FAM168A: variants seen among roughly 807,000 people sequenced by gnomAD.
The protein encoded by FAM168A is protein FAM168A.
FAM168A carries 3 observed loss-of-function variants against 28.5 expected under a neutral mutation model. The observed-to-expected ratio is 0.11, with a 90% CI of 0.05 to 0.27. The LOEUF is 0.27. FAM168A is among the 10% of genes least tolerant of loss of function. The pLI, the probability that FAM168A is intolerant of heterozygous loss-of-function variation, is 1.00. For synonymous variants in FAM168A, 122 were observed against 124.2 expected (o/e 0.98, Z 0.12); for missense variants, 222 against 311.5 (o/e 0.71, Z 2.16).
intron 1 of FAM168A, among the ~76,000 whole-genome samples, chr11:73,477,603 C>T (rs115568564): frequency 0.013 from 2,022 of 152,072 alleles, 44 homozygotes; most frequent in African/African-American, 0.045. Flanking sequence ...GAGAAAACAA[C>T]TTATCTGATA....
chr11:73,507,254 T>C (rs1411851374), intron 1 of FAM168A, among the ~76,000 whole-genome samples: 2 of 152,220 alleles, frequency 1.3e-5, no homozygotes, highest in Non-Finnish European at 1.5e-5. Flanking sequence ...CAACATCTTA[T>C]TTTTCTTTGC....
chr11:73,564,896 T>C (rs962034924), intron 1 of FAM168A, among the ~76,000 whole-genome samples: 2 of 151,464 alleles, frequency 1.3e-5, no homozygotes, highest in Non-Finnish European at 2.9e-5. Context: ...CCCTAAGACT[T>C]TAGGGAAGTC....
rs1454514309 is a variant in FAM168A at position 73,407,513 on chromosome 11, T to A, written c.*18A>T. 8 of 1,553,534 alleles carry A rather than the reference T, an allele frequency of 5.1e-6. No homozygotes were observed. The highest frequency in any genetic ancestry group is 6.9e-6 in the Non-Finnish European group (8 of 1,156,532). ...CTTCTCTCACCCTGGCCACACTCACTTGGATGGGCTGCAGGCTTTACCAGT... is the reference window on the plus strand; with the variant it reads ...CTTCTCTCACCCTGGCCACACTCACATGGATGGGCTGCAGGCTTTACCAGT... On this transcript the variant is annotated splice_region_variant and 3_prime_UTR_variant, in exon 7 of 8. Coordinates refer to ENST00000356467, the MANE Select transcript of FAM168A (RefSeq NM_015159.3).
At chr11:73,544,916 TATATATA>T (rs1943715057) in intron 1 of FAM168A, among the ~76,000 whole-genome samples, 1 of 93,130 alleles carries the variant, frequency 1.1e-5, no homozygotes, top group Non-Finnish European at 1.9e-5. Flanking sequence ...TAATATATAT[TATATATA>T]ATATAAAATA....
At chr11:73,431,565 G>A (rs900950288) in intron 2 of FAM168A, among the ~76,000 whole-genome samples, 2 of 152,110 alleles carry the variant, frequency 1.3e-5, no homozygotes, top group African/African-American at 4.8e-5. Flanking sequence ...GAAGGGGTTG[G>A]AAATGAGAGC....
intron 1 of FAM168A, among the ~76,000 whole-genome samples, chr11:73,556,528 CAG>C (rs1943892045): frequency 6.6e-6 from 1 of 151,526 alleles, no homozygotes; most frequent in African/African-American, 2.4e-5. Context: ...TGGGGATTGT[CAG>C]GGGGGTAGGG....
chr11:73,564,528 A>G (rs1453095407), intron 1 of FAM168A, among the ~76,000 whole-genome samples: 1 of 151,840 alleles, frequency 6.6e-6, no homozygotes, highest in African/African-American at 2.4e-5. Context: ...CACAAGGTCA[A>G]GAGATCAAGA....
At chr11:73,525,269 G>T (rs771812291) in intron 1 of FAM168A, among the ~76,000 whole-genome samples, 7 of 152,102 alleles carry the variant, frequency 4.6e-5, no homozygotes, top group African/African-American at 1.7e-4. Context: ...TAATTGCTAA[G>T]TTTCACTGTA....
chr11:73,478,376 T>C (rs1464616630), intron 1 of FAM168A, among the ~76,000 whole-genome samples: 2 of 152,196 alleles, frequency 1.3e-5, no homozygotes, highest in African/African-American at 4.8e-5. Context: ...AGAACACATA[T>C]TGCATGATTC....
intron 1 of FAM168A, among the ~76,000 whole-genome samples, chr11:73,517,843 C>T (rs973977365): frequency 6.6e-6 from 1 of 152,144 alleles, no homozygotes; most frequent in Admixed American, 6.5e-5. Context: ...GGGTCAATTA[C>T]AGAAGCAGAA....
intron 1 of FAM168A, among the ~76,000 whole-genome samples, chr11:73,528,507 T>C (rs965300715): frequency 2.0e-5 from 3 of 152,160 alleles, no homozygotes; most frequent in Admixed American, 6.5e-5. Flanking sequence ...CTCATATATA[T>C]AAATATTGTA....
chr11:73,588,023 T>C (rs1007328610), intron 1 of FAM168A, among the ~76,000 whole-genome samples: 2 of 152,184 alleles, frequency 1.3e-5, no homozygotes, highest in Non-Finnish European at 2.9e-5. Context: ...GTGCTGGGAT[T>C]ACAGACGTGA....
chr11:73,575,185 G>A (rs559600780), intron 1 of FAM168A, among the ~76,000 whole-genome samples: 55 of 152,278 alleles, frequency 3.6e-4, no homozygotes, highest in African/African-American at 1.0e-3. Flanking sequence ...ACTACGCCAT[G>A]CTTTGGAGCC....
At chr11:73,507,797 T>C (rs1855143361) in intron 1 of FAM168A, among the ~76,000 whole-genome samples, 1 of 152,128 alleles carries the variant, frequency 6.6e-6, no homozygotes, top group African/African-American at 2.4e-5. Context: ...CCTGACCAAA[T>C]ATGGATCACA....
chr11:73,513,205 A>ATT lies in FAM168A; in HGVS notation c.-18-44715_-18-44714dup, dbSNP rs1046600591. Among the ~76,000 whole-genome samples the ATT allele has an allele frequency of 7.4e-3, 809 of 109,306 alleles. 14 individuals carry two copies. Among genetic ancestry groups the ATT allele is most frequent in the African/African-American group, 0.019 (499 of 25,994 alleles). 71.7% of individuals were successfully genotyped at this position (109,306 alleles called of 152,430 possible). A position where few individuals can be genotyped will look rare whatever the true frequency, so the allele number is the denominator to read the frequency against. On this transcript the variant is annotated intron_variant, in intron 1 of 7. Coordinates refer to ENST00000356467, the MANE Select transcript of FAM168A (RefSeq NM_015159.3). ...GGTCAAAGTTTTGTTTTTTTTTTTAATTTTTTTTTTTTTTTTTTTTTTGAG... is the reference window on the plus strand; with the variant it reads ...GGTCAAAGTTTTGTTTTTTTTTTTAATTTTTTTTTTTTTTTTTTTTTTTTGAG...
At chr11:73,463,015 C>T (rs773267714) in intron 2 of FAM168A, among the ~76,000 whole-genome samples, 4 of 151,864 alleles carry the variant, frequency 2.6e-5, no homozygotes, top group Non-Finnish European at 5.9e-5. Flanking sequence ...GTTGCCCAGG[C>T]TGGAGTGCGG....
intron 1 of FAM168A, among the ~76,000 whole-genome samples, chr11:73,494,963 GCCAATGAACT>G (rs992464157): frequency 6.6e-6 from 1 of 151,006 alleles, no homozygotes; most frequent in African/African-American, 2.4e-5. Context: ...CCAAGATCAT[GCCAATGAACT>G]CCAGCCTGGG....
At chr11:73,502,637 G>A (rs1855030782) in intron 1 of FAM168A, among the ~76,000 whole-genome samples, 2 of 151,634 alleles carry the variant, frequency 1.3e-5, no homozygotes, top group South Asian at 2.1e-4. Context: ...ATTTTATGAG[G>A]CCTCATTTTA....
chr11:73,475,085 T>C (rs1867870365), intron 1 of FAM168A, among the ~76,000 whole-genome samples: 2 of 152,214 alleles, frequency 1.3e-5, no homozygotes, highest in African/African-American at 4.8e-5. Flanking sequence ...GGCTTCCTGC[T>C]ACCCTCAAAA....
Sources: gnomAD v4.1 joint callset for allele counts (sites outside exome capture counted in the v4.1 genomes callset) on GRCh38, gnomAD v4.1.1 for gene constraint, MANE v1.5 for transcripts, NCBI Gene and HGNC (gene_info 2026-07-23, HGNC 2026-07-21) for gene names.